The following PCDH15 variants were observed in gnomAD, a reference collection of about 807,000 sequenced individuals.
PCDH15 encodes protocadherin related 15, also known as protocadherin-15.
In PCDH15, 129 loss-of-function variants were observed where a neutral mutation model predicts 178.5. The ratio of observed to expected loss-of-function variants is 0.72; its 90% CI spans 0.63 to 0.84. The LOEUF (loss-of-function observed/expected upper bound fraction) is 0.84. PCDH15 is among the 40% of genes least tolerant of loss of function. The probability of loss-of-function intolerance (pLI) is 0.00; values close to 1 mark genes in which losing one functional copy is unlikely to be tolerated. For missense variants in PCDH15, 2,230 were observed against 2,099.9 expected, an observed-to-expected ratio of 1.06 and a Z score of -1.21; for synonymous variants, 800 against 732.0, an observed-to-expected ratio of 1.09 and a Z score of -1.50.
intron 2 of PCDH15, among the ~76,000 whole-genome samples, chr10:54,535,309 TA>T (rs201611348): frequency 6.6e-6 from 1 of 151,930 alleles, no homozygotes; most frequent in African/African-American, 2.4e-5. Flanking sequence ...TCTGTACTTT[TA>T]AAAAAAACAA....
At chr10:54,939,220 C>T (rs952052021) in intron 2 of PCDH15, among the ~76,000 whole-genome samples, 1 of 151,740 alleles carries the variant, frequency 6.6e-6, no homozygotes, top group Non-Finnish European at 1.5e-5. Context: ...GTAGGCCGGG[C>T]GTGGTGGCTC....
At chr10:54,582,447 C>A (rs2091122517) in intron 2 of PCDH15, among the ~76,000 whole-genome samples, 3 of 152,010 alleles carry the variant, frequency 2.0e-5, no homozygotes, top group Non-Finnish European at 4.4e-5. Context: ...ATATGTTGGT[C>A]AGGTTATAAT....
intron 1 of PCDH15, among the ~76,000 whole-genome samples, chr10:54,760,459 T>G (rs1334506729): frequency 1.3e-5 from 2 of 152,274 alleles, no homozygotes; most frequent in Non-Finnish European, 2.9e-5. Flanking sequence ...GTGTTAACAC[T>G]TTGGATAATG....
chr10:54,400,009 G>A (rs1951737878), intron 3 of PCDH15, among the ~76,000 whole-genome samples: 1 of 152,118 alleles, frequency 6.6e-6, no homozygotes, highest in South Asian at 2.1e-4. Flanking sequence ...TTAGTAAGTT[G>A]AAGAAACAGA....
At chr10:54,971,918 C>T (rs117350437) in intron 2 of PCDH15, among the ~76,000 whole-genome samples, 3,315 of 152,246 alleles carry the variant, frequency 0.022, 57 homozygotes, top group Non-Finnish European at 0.034. Context: ...TCTATATCTA[C>T]ATTTGGTATA....
chr10:55,615,425 C>T (rs1481883729), intron 2 of PCDH15, among the ~76,000 whole-genome samples: 2 of 152,146 alleles, frequency 1.3e-5, no homozygotes, highest in African/African-American at 2.4e-5. Flanking sequence ...AACTCAGTCT[C>T]ACCTCACCTT....
At chr10:55,080,784 G>A (rs1047416707) in intron 2 of PCDH15, among the ~76,000 whole-genome samples, 1 of 152,078 alleles carries the variant, frequency 6.6e-6, no homozygotes, top group East Asian at 1.9e-4. Flanking sequence ...AGCAAGGAAG[G>A]GACCCTGCTC....
At chr10:54,435,850 G>A (rs1349375088) in intron 3 of PCDH15, among the ~76,000 whole-genome samples, 1 of 151,708 alleles carries the variant, frequency 6.6e-6, no homozygotes, top group Non-Finnish European at 1.5e-5. Flanking sequence ...GGCGCCTGTA[G>A]TCCCAGCTAC....
intron 18 of PCDH15, among the ~76,000 whole-genome samples, chr10:54,053,192 C>G (rs546397630): frequency 6.6e-6 from 1 of 152,064 alleles, no homozygotes; most frequent in Admixed American, 6.6e-5. Flanking sequence ...ATTTATTTGT[C>G]AAGAGAACTT....
intron 8 of PCDH15, among the ~76,000 whole-genome samples, chr10:54,242,144 A>C (rs1337209088): frequency 3.9e-5 from 2 of 51,640 alleles, no homozygotes; most frequent in African/African-American, 2.4e-4. Context: ...ATATATATAT[A>C]TATATATATA....
Position 55,293,034 on chromosome 10 carries a change from C to T in PCDH15, c.-156+26565G>A, listed in dbSNP as rs555311867. ...CAGAGGTTCTCCATGAGGGCCGGGC[C>T]CCTGCAGCAAACTTCTGCCTGGGCA... On this transcript the variant is annotated intron_variant, in intron 1 of 5. Transcript: ENST00000458638. Among the ~76,000 whole-genome samples, 3 of 152,294 alleles carry T rather than the reference C, an allele frequency of 2.0e-5. No homozygotes were observed. In the East Asian group the frequency reaches 5.8e-4, roughly 30 times the overall value.
At chr10:54,886,018 T>C (rs891396392) in intron 3 of PCDH15, among the ~76,000 whole-genome samples, 7 of 151,442 alleles carry the variant, frequency 4.6e-5, no homozygotes, top group Non-Finnish European at 7.4e-5. Flanking sequence ...CTCACTGTTT[T>C]TCTCTCTCTC....
At chr10:55,571,634 T>C (rs1179543939) in intron 2 of PCDH15, among the ~76,000 whole-genome samples, 2 of 152,062 alleles carry the variant, frequency 1.3e-5, no homozygotes, top group East Asian at 3.9e-4. Context: ...AAATCTGTTA[T>C]TAGGTAAAAA....
intron 8 of PCDH15, among the ~76,000 whole-genome samples, chr10:54,286,871 A>G (rs562052379): frequency 2.0e-5 from 3 of 152,130 alleles, no homozygotes; most frequent in East Asian, 3.9e-4. Flanking sequence ...CTGGTGATCC[A>G]CCCACCTCCC....
intron 2 of PCDH15, among the ~76,000 whole-genome samples, chr10:55,072,475 C>T (rs1184645273): frequency 8.5e-5 from 13 of 152,188 alleles, no homozygotes; most frequent in East Asian, 1.9e-4. Context: ...AACACCTCTA[C>T]GCAAATAAAC....
At chr10:55,034,235 A>T (rs1216980511) in intron 2 of PCDH15, among the ~76,000 whole-genome samples, 1 of 152,146 alleles carries the variant, frequency 6.6e-6, no homozygotes, top group Non-Finnish European at 1.5e-5. Context: ...TTACCTACTG[A>T]CCCAACAAGT....
chr10:53,894,822 T>G (rs1178346209), intron 26 of PCDH15, among the ~76,000 whole-genome samples: 3 of 152,152 alleles, frequency 2.0e-5, no homozygotes, highest in Non-Finnish European at 4.4e-5. Flanking sequence ...AAGATATCTG[T>G]GGCACAGAGT....
intron 12 of PCDH15, among the ~76,000 whole-genome samples, chr10:54,184,051 G>T (rs2048257758): frequency 6.6e-6 from 1 of 151,980 alleles, no homozygotes; most frequent in Admixed American, 6.6e-5. Flanking sequence ...TCACCCAATG[G>T]CAATTTTCAA....
At chr10:54,979,720 T>C (rs568959830) in intron 2 of PCDH15, among the ~76,000 whole-genome samples, 30 of 143,092 alleles carry the variant, frequency 2.1e-4, no homozygotes, top group Non-Finnish European at 4.0e-4. Context: ...GAAAAATGGA[T>C]AAAGAAAATG....
Sources: gnomAD v4.1 joint callset for allele counts (sites outside exome capture counted in the v4.1 genomes callset) on GRCh38, gnomAD v4.1.1 for gene constraint, MANE v1.5 for transcripts, NCBI Gene and HGNC (gene_info 2026-07-23, HGNC 2026-07-21) for gene names.